The following PUS7 variants were observed in gnomAD, a reference collection of about 807,000 sequenced individuals.
The protein encoded by PUS7 is pseudouridylate synthase 7 homolog.
Under a neutral mutation model 79.8 loss-of-function variants are expected in PUS7, and 48 were observed. The ratio of observed to expected loss-of-function variants is 0.60; its 90% CI spans 0.48 to 0.76. The LOEUF (loss-of-function observed/expected upper bound fraction) is 0.76, where lower values mean the gene tolerates loss of function less well. Ranked by LOEUF, PUS7 falls within the 30% of genes least tolerant of loss-of-function variation. The probability of loss-of-function intolerance (pLI) is 0.00; values close to 1 mark genes in which losing one functional copy is unlikely to be tolerated. For synonymous variants in PUS7, 286 were observed against 272.2 expected (o/e 1.05, Z -0.50); for missense variants, 729 against 797.6 (o/e 0.91, Z 1.04).
intron 1 of PUS7, among the ~76,000 whole-genome samples, chr7:105,520,571 A>C (rs1429795111): frequency 6.6e-6 from 1 of 150,804 alleles, no homozygotes; most frequent in Non-Finnish European, 1.5e-5. Flanking sequence ...AAAATACAAA[A>C]ATTAGCTGGG....
rs534930595 is a variant in PUS7 at position 105,472,293 on chromosome 7, C to T, written c.1176-100G>A. ...TCAACAAATCATATTAACTATACAC[C>T]GAAGCCTTGACCTCCCAGGCTCTAC... On this transcript the variant is annotated intron_variant, in intron 9 of 15. Transcript: ENST00000469408. 488 of 705,762 alleles carry T rather than the reference C, an allele frequency of 6.9e-4. 7 individuals are homozygous for T. The South Asian group carries it at 7.9e-3, about 11-fold the overall frequency. 43.7% of individuals were successfully genotyped at this position (705,762 alleles called of 1,614,324 possible). A position where few individuals can be genotyped will look rare whatever the true frequency, so the allele number is the denominator to read the frequency against.
At chr7:105,470,470 C>T (rs1048813573) in intron 11 of PUS7, 14 of 399,230 alleles carry the variant, frequency 3.5e-5, no homozygotes, top group South Asian at 2.9e-4. Context: ...TCCACATTGA[C>T]GCTTTTCTTG....
At chr7:105,521,018 A>T (rs894247033) in intron 1 of PUS7, among the ~76,000 whole-genome samples, 6 of 152,316 alleles carry the variant, frequency 3.9e-5, no homozygotes, top group Non-Finnish European at 7.4e-5. Context: ...CAAAAAAATT[A>T]AAAAAATAAA....
At position 105,522,092 on chromosome 7, in the gene PUS7, G is replaced by A. The variant is rs1826146048; in HGVS notation, c.-73C>T. 1 of 152,796 alleles carries A rather than the reference G, an allele frequency of 6.5e-6. No homozygotes were observed. Among genetic ancestry groups the A allele is most frequent in the East Asian group, 1.9e-4 (1 of 5,194 alleles). The allele number at this position is 152,796 out of a possible 1,614,324, so 9.5% of individuals were successfully genotyped here. A position where few individuals can be genotyped will look rare whatever the true frequency, so the allele number is the denominator to read the frequency against. ...GCGGGCGCGGCGTGAGCTGGGCGGC[G>A]AGGTGGCCAGCGCTCTGGTTGGGAC... is the stretch of plus-strand genomic sequence containing the variant. On this transcript the variant is annotated 5_prime_UTR_variant, in exon 1 of 16. Coordinates refer to ENST00000469408, the MANE Select transcript of PUS7 (RefSeq NM_019042.5).
intron 11 of PUS7, among the ~76,000 whole-genome samples, chr7:105,469,376 C>T (rs369347444): frequency 3.3e-5 from 5 of 151,644 alleles, no homozygotes; most frequent in South Asian, 4.2e-4. Flanking sequence ...CTGCAACTTC[C>T]GCCTCCCAGG....
At chr7:105,504,651 A>G (rs1825384828) in intron 4 of PUS7, among the ~76,000 whole-genome samples, 2 of 152,176 alleles carry the variant, frequency 1.3e-5, no homozygotes, top group African/African-American at 4.8e-5. Flanking sequence ...ACAATAGTAA[A>G]TTTTACCACA....
chr7:105,484,598 T>C (rs1824467449), intron 7 of PUS7, among the ~76,000 whole-genome samples: 1 of 151,168 alleles, frequency 6.6e-6, no homozygotes, highest in South Asian at 2.1e-4. Context: ...GCGGGCGGAT[T>C]ACCTGAGGTC....
intron 1 of PUS7, among the ~76,000 whole-genome samples, chr7:105,512,484 C>T (rs1825741949): frequency 6.6e-6 from 1 of 152,096 alleles, no homozygotes. Context: ...GACTACAATG[C>T]CTGGGCCAAA....
intron 1 of PUS7, among the ~76,000 whole-genome samples, chr7:105,513,282 C>T (rs1482359811): frequency 3.3e-5 from 5 of 152,142 alleles, no homozygotes; most frequent in East Asian, 1.9e-4. Context: ...TGGCCAATAA[C>T]GGCCATTCAC....
At chr7:105,486,078 G>C (rs1292089413) in intron 7 of PUS7, among the ~76,000 whole-genome samples, 2 of 147,738 alleles carry the variant, frequency 1.4e-5, no homozygotes, top group Non-Finnish European at 3.0e-5. Context: ...ACAGAGTGTT[G>C]CTCTGTCACT....
At position 105,496,216 on chromosome 7, in the gene PUS7, T is replaced by TAGAGAG. The variant is rs1335946389; in HGVS notation, c.731-964_731-963insCTCTCT. ...ACACACATATATATATATATATATATATATATATATAGAGAGAGAGAGAGA... is the reference window on the plus strand; with the variant it reads ...ACACACATATATATATATATATATATAGAGAGATATATATATAGAGAGAGAGAGAGA... On this transcript the variant is annotated intron_variant, in intron 5 of 15. Transcript: ENST00000469408. Among the ~76,000 whole-genome samples, 609 of 76,570 alleles carry TAGAGAG rather than the reference T, an allele frequency of 8.0e-3. 2 individuals carry two copies. The highest frequency in any genetic ancestry group is 0.012 in the Non-Finnish European group (506 of 42,370). 50.2% of individuals were successfully genotyped at this position (76,570 alleles called of 152,430 possible).
chr7:105,491,971 TG>T (rs1395800354), intron 6 of PUS7, among the ~76,000 whole-genome samples: 1 of 150,290 alleles, frequency 6.7e-6, no homozygotes, highest in Non-Finnish European at 1.5e-5. Flanking sequence ...ACAGGGGAAT[TG>T]CTTGAACTCA....
intron 5 of PUS7, among the ~76,000 whole-genome samples, chr7:105,496,469 AT>A (rs1399379471): frequency 6.6e-6 from 1 of 152,112 alleles, no homozygotes; most frequent in Admixed American, 6.6e-5. Flanking sequence ...AACTGAAAAA[AT>A]GTTTCATACA....
chr7:105,518,266 T>C (rs1825970523), intron 1 of PUS7, among the ~76,000 whole-genome samples: 1 of 152,090 alleles, frequency 6.6e-6, no homozygotes, highest in Non-Finnish European at 1.5e-5. Flanking sequence ...TAAGCCGTGA[T>C]GGTGCCACTA....
intron 1 of PUS7, among the ~76,000 whole-genome samples, chr7:105,516,469 GT>G (rs1825899672): frequency 6.6e-6 from 1 of 151,290 alleles, no homozygotes; most frequent in Non-Finnish European, 1.5e-5. Context: ...TTGAGACGGA[GT>G]TTTGCTCTTG....
chr7:105,463,675 T>C (rs755839569), intron 13 of PUS7, among the ~76,000 whole-genome samples: 1 of 151,760 alleles, frequency 6.6e-6, no homozygotes, highest in Non-Finnish European at 1.5e-5. Context: ...CTTACTAAAT[T>C]ATTTATTGCA....
intron 5 of PUS7, among the ~76,000 whole-genome samples, chr7:105,496,212 TATATATATATATATAGAG>T (rs1341280218): frequency 1.1e-4 from 8 of 71,180 alleles, no homozygotes; most frequent in Admixed American, 1.7e-4. Context: ...TATATATATA[TATATATATATATATAGAG>T]AGAGAGAGAG....
intron 9 of PUS7, among the ~76,000 whole-genome samples, chr7:105,477,582 G>A (rs950332974): frequency 2.0e-4 from 31 of 151,882 alleles, no homozygotes; most frequent in African/African-American, 7.3e-5. Context: ...TTTTTGCTGA[G>A]TTATTCAATA....
intron 10 of PUS7, among the ~76,000 whole-genome samples, 161 bp downstream of exon 10, chr7:105,471,971 C>A (rs1823893472): frequency 6.8e-6 from 1 of 147,310 alleles, no homozygotes; most frequent in South Asian, 2.2e-4. Context: ...TATACATATA[C>A]AACTGTTGAA....
Sources: allele counts gnomAD v4.1 joint callset (sites outside exome capture counted in the v4.1 genomes callset), GRCh38; gene constraint gnomAD v4.1.1; transcripts MANE v1.5; gene names NCBI Gene and HGNC (gene_info 2026-07-23, HGNC 2026-07-21).